Variants in ADAMTS13 observed in about 807,000 individuals in gnomAD.
ADAMTS13 encodes A disintegrin and metalloproteinase with thrombospondin motifs 13.
ADAMTS13 carries 110 observed loss-of-function variants against 155.1 expected under a neutral mutation model. The ratio of observed to expected loss-of-function variants is 0.71; its 90% CI spans 0.61 to 0.83. The LOEUF (loss-of-function observed/expected upper bound fraction) is 0.83. ADAMTS13 is among the 40% of genes least tolerant of loss of function. The pLI, the probability that ADAMTS13 is intolerant of heterozygous loss-of-function variation, is 0.00. For synonymous variants in ADAMTS13, 758 were observed against 756.4 expected (o/e 1.00, Z -0.03); for missense variants, 1,707 against 1,891.7 (o/e 0.90, Z 1.81).
chr9:133,456,475 C>T lies in ADAMTS13; in HGVS notation c.3548-68C>T. ...TGGGACTTGAACTCGGCTCAGTCTA[C>T]CCTGGAGCCACTCCTCTGCTGACCA... On this transcript the variant is annotated intron_variant, in intron 26 of 28. Transcript: ENST00000355699. The surrounding 1 kb of genome is among the most constrained non-coding windows in gnomAD (Gnocchi z 4.4). The T allele has an allele frequency of 6.3e-7, 1 of 1,576,368 alleles. No homozygotes were observed. Among genetic ancestry groups the T allele is most frequent in the African/African-American group, 1.3e-5 (1 of 74,524 alleles).
intron 19 of ADAMTS13, 25 bp downstream of exon 19, chr9:133,443,586 G>A (rs781834086): frequency 6.6e-7 from 1 of 1,522,576 alleles, no homozygotes; most frequent in Non-Finnish European, 8.8e-7. Flanking sequence ...AGGTGGGGCT[G>A]GGAGAGGGCC....
chr9:133,451,343 C>T (rs976936888), intron 23 of ADAMTS13, among the ~76,000 whole-genome samples: 5 of 152,172 alleles, frequency 3.3e-5, no homozygotes, highest in African/African-American at 9.7e-5. Context: ...CTGCAACCTC[C>T]GCCTCCCGGG....
At chr9:133,450,450 C>T (rs1842366689) in intron 23 of ADAMTS13, among the ~76,000 whole-genome samples, 1 of 151,960 alleles carries the variant, frequency 6.6e-6, no homozygotes, top group African/African-American at 2.4e-5. Context: ...TGCCTGTAAT[C>T]CCAGTTACTT....
At chr9:133,431,345 G>C (rs940011171) in intron 8 of ADAMTS13, among the ~76,000 whole-genome samples, 2 of 71,122 alleles carry the variant, frequency 2.8e-5, no homozygotes, top group African/African-American at 5.4e-5. Context: ...TTTTTTTTTT[G>C]AGACAGAGTC....
rs1554796169 is a variant in ADAMTS13 at position 133,456,745 on chromosome 9, C to T, written c.3724+26C>T. 1.3e-6 allele frequency: 2 copies of T among 1,551,608 alleles called. No individual in the cohort carries two copies. Among genetic ancestry groups the T allele is most frequent in the Non-Finnish European group, 1.7e-6 (2 of 1,147,248 alleles). ...GTATGGCCAGGCCTTCTCCACCTCC[C>T]TTGGGTGCTCCAGTCCTGGCAGGGA... On this transcript the variant is annotated intron_variant, in intron 27 of 28. Transcript: ENST00000355699. This position sits in a 1 kb window ranked among gnomAD's most constrained non-coding sequence, Gnocchi z 4.4.
intron 6 of ADAMTS13, among the ~76,000 whole-genome samples, chr9:133,426,594 A>G (rs1840298087): frequency 6.6e-6 from 1 of 152,216 alleles, no homozygotes; most frequent in Non-Finnish European, 1.5e-5. Flanking sequence ...AAATTCAGGT[A>G]AAGAAAGAGC....
At chr9:133,428,251 C>T (rs782548429) in intron 6 of ADAMTS13, among the ~76,000 whole-genome samples, 13 of 152,258 alleles carry the variant, frequency 8.5e-5, no homozygotes, top group Non-Finnish European at 1.8e-4. Context: ...GTGAATTTCA[C>T]GCTCAACACA....
In ADAMTS13 at chr9:133,459,152, A is replaced by G; in HGVS notation, c.4088A>G (p.Gln1363Arg). 6.2e-7 allele frequency: 1 copy of G among 1,612,264 alleles called. No homozygotes were observed. The highest frequency in any genetic ancestry group is 2.2e-5 in the East Asian group (1 of 44,856). Reference protein sequence around the residue: ...QSWVPEMQDPQSWKGKEGT With the variant: ...QSWVPEMQDPRSWKGKEGT ...TGGGTACCGGAGATGCAGGACCCTC[A>G]GTCCTGGAAGGGAAAGGAAGGAACC... Residue 1363 changes from glutamine to arginine, a missense_variant, in exon 29 of 29, where the codon CAG (glutamine) becomes CGG (arginine). Transcript: ENST00000355699.
At position 133,449,667 on chromosome 9, in the gene ADAMTS13, G is replaced by A. The variant is rs941504093; in HGVS notation, c.2862-116G>A. 7 of 1,223,838 alleles carry A rather than the reference G, an allele frequency of 5.7e-6. No individual in the cohort carries two copies. The Admixed American group carries it at 7.6e-5, about 13-fold the overall frequency. 75.8% of individuals were successfully genotyped at this position (1,223,838 alleles called of 1,614,324 possible). On this transcript the variant is annotated intron_variant, in intron 22 of 28. Coordinates refer to ENST00000355699, the MANE Select transcript of ADAMTS13 (RefSeq NM_139027.6). Reference sequence around the variant, plus strand: ...GGGCCTCCAGAAAGAGAACCTCTCCGGGCCCTTCCCAGCTTCCTGTCTCTT... The same window carrying A: ...GGGCCTCCAGAAAGAGAACCTCTCCAGGCCCTTCCCAGCTTCCTGTCTCTT...
At chr9:133,414,828 T>G (rs587596898) in intron 1 of ADAMTS13, 1 of 1,614,212 alleles carries the variant, frequency 6.2e-7, no homozygotes, top group African/African-American at 1.3e-5. Context: ...CTGTCCATCT[T>G]GGAACCTGAA....
Position 133,456,268 on chromosome 9 carries a change from C to T in ADAMTS13, c.3547+53C>T. On this transcript the variant is annotated intron_variant, in intron 26 of 28. Coordinates refer to ENST00000355699, the MANE Select transcript of ADAMTS13 (RefSeq NM_139027.6). This position sits in a 1 kb window ranked among gnomAD's most constrained non-coding sequence, Gnocchi z 4.4. The stretch of plus-strand genomic sequence containing the variant: ...TGCCAGTTATGGGCCCTGCCAGGAG[C>T]CAGCACGACGCTGCATGCCCCATTC... 1.2e-6 allele frequency: 2 copies of T among 1,611,532 alleles called. No individual in the cohort carries two copies. Among genetic ancestry groups the T allele is most frequent in the Non-Finnish European group, 1.7e-6 (2 of 1,179,494 alleles).
Position 133,456,636 on chromosome 9 carries a change from T to C in ADAMTS13, c.3641T>C (p.Val1214Ala). The stretch of plus-strand genomic sequence containing the variant: ...TTCAGCTCCAAGACCAACACGCTGG[T>C]GGTGAGGCAGCGCTGCGGGCGGCCA... ...MTFSSKTNTL[V>A]VRQRCGRPGG... is the part of the protein sequence containing the mutation. The change falls in exon 27 of 29, where the codon GTG (valine) becomes GCG (alanine). Residue 1214 changes from valine (V) to alanine (A), a missense_variant. Val to Ala is a moderately conservative substitution (Grantham distance 64). This residue lies in a region of ADAMTS13 where 961 missense variants were observed against 1,107.9 expected (regional missense o/e 0.87). Transcript: ENST00000355699. This position sits in a 1 kb window ranked among gnomAD's most constrained non-coding sequence, Gnocchi z 4.4. The C allele has an allele frequency of 6.2e-7, 1 of 1,610,944 alleles. No individual in the cohort carries two copies. Among genetic ancestry groups the C allele is most frequent in the Non-Finnish European group, 8.5e-7 (1 of 1,178,986 alleles).
rs1554792359 is a variant in ADAMTS13 at position 133,445,738 on chromosome 9, T to C, written c.2650T>C (p.Trp884Arg). Reference protein sequence around the residue: ...TSAGEKAPSPWGSIRTGAQAA... With the variant: ...TSAGEKAPSPRGSIRTGAQAA... ...TGCAGGGGAGAAGGCTCCCTCCCCATGGGGCAGCATCAGGACGGGGGCTCA... is the reference window on the plus strand; with the variant it reads ...TGCAGGGGAGAAGGCTCCCTCCCCACGGGGCAGCATCAGGACGGGGGCTCA... Residue 884 changes from tryptophan to arginine, a missense_variant, in exon 21 of 29, where the codon TGG becomes CGG. By Grantham distance (101) the Trp-to-Arg change is moderately radical. Transcript: ENST00000355699. The surrounding 1 kb of genome is among the most constrained non-coding windows in gnomAD (Gnocchi z 5.0). 4 of 1,612,220 alleles carry C rather than the reference T, an allele frequency of 2.5e-6. No homozygotes were observed. The highest frequency in any genetic ancestry group is 1.1e-5 in the South Asian group (1 of 90,982).
At chr9:133,449,725 TC>T in intron 22 of ADAMTS13, 57 bp from the exon 23 acceptor site, 1 of 1,590,400 alleles carries the variant, frequency 6.3e-7, no homozygotes. Context: ...GAGACCTGGC[TC>T]CCCTGGGTTC....
intron 8 of ADAMTS13, among the ~76,000 whole-genome samples, chr9:133,432,039 G>GCA (rs374733298): frequency 4.6e-5 from 7 of 152,154 alleles, no homozygotes; most frequent in Non-Finnish European, 1.0e-4. Context: ...CAAGGCAGGC[G>GCA]GATCACCTGA....
In ADAMTS13 at chr9:133,440,229, C is replaced by A; in HGVS notation, c.1787-115C>A. On this transcript the variant is annotated intron_variant, in intron 15 of 28. Coordinates refer to ENST00000355699, the MANE Select transcript of ADAMTS13 (RefSeq NM_139027.6). This position sits in a 1 kb window ranked among gnomAD's most constrained non-coding sequence, Gnocchi z 4.3. ...TGTGGGGAAGCCTCTAGCTCAGATG[C>A]CTGTGGCTCCTTAGAGGAGGGCTGG... The A allele has an allele frequency of 2.3e-6, 3 of 1,322,070 alleles. No individual in the cohort carries two copies. Among genetic ancestry groups the A allele is most frequent in the Non-Finnish European group, 3.2e-6 (3 of 930,990 alleles). The allele number at this position is 1,322,070 out of a possible 1,614,324, so 81.9% of individuals were successfully genotyped here.
rs909831139 is a variant in ADAMTS13, at chr9:133,437,832, C to T, written c.1519C>T (p.Arg507Trp). 4.3e-6 allele frequency: 7 copies of T among 1,613,928 alleles called. No individual in the cohort carries two copies. The highest frequency in any genetic ancestry group is 1.6e-4 in the Middle Eastern group (1 of 6,062). ...TGGAGACAGCTTCCTCGATGGGACC[C>T]GGTGTATGCCAAGTGGCCCCCGGGA... ...KRGDSFLDGT[R>W]CMPSGPREDG... The change falls in exon 13 of 29, where the codon CGG becomes TGG. Residue 507 changes from arginine to tryptophan, a missense_variant. By Grantham distance (101) the Arg-to-Trp change is moderately radical (BLOSUM62 -3). Coordinates refer to ENST00000355699, the MANE Select transcript of ADAMTS13 (RefSeq NM_139027.6).
In ADAMTS13 at chr9:133,433,534, C is replaced by G. The variant is rs781862532; in HGVS notation, c.1244+5C>G. The G allele has an allele frequency of 1.3e-5, 21 of 1,613,630 alleles. No homozygotes were observed. In the South Asian group the frequency reaches 2.3e-4, roughly 18 times the overall value. On this transcript the variant is annotated splice_donor_5th_base_variant and intron_variant, in intron 10 of 28. Coordinates refer to ENST00000355699, the MANE Select transcript of ADAMTS13 (RefSeq NM_139027.6). ...GCGGCAGTGCAACAACCCCAGGTAC[C>G]GCAGGGAGGGTGCTTTTCTGTCAGG...
In ADAMTS13 at chr9:133,444,916, C is replaced by T. The variant is rs1554792018; in HGVS notation, c.2474C>T (p.Ala825Val). ...ACATCAGCTGGTGGAGCAGGCCTGG[C>T]CTTGGAGAACGAGACCTGTGTGCCA... ...SCTSAGGAGLALENETCVPGA... is the reference protein window; with the variant it reads ...SCTSAGGAGLVLENETCVPGA... Residue 825 changes from alanine to valine, a missense_variant, in exon 20 of 29, where the codon GCC becomes GTC. This residue lies in a region of ADAMTS13 where 961 missense variants were observed against 1,107.9 expected (regional missense o/e 0.87). Coordinates refer to ENST00000355699, the MANE Select transcript of ADAMTS13 (RefSeq NM_139027.6). 2 of 1,613,246 alleles carry T rather than the reference C, an allele frequency of 1.2e-6. No individual in the cohort carries two copies. Among genetic ancestry groups the T allele is most frequent in the Admixed American group, 3.3e-5 (2 of 60,000 alleles).
Sources: gnomAD v4.1 joint callset for allele counts (sites outside exome capture counted in the v4.1 genomes callset) on GRCh38, gnomAD v4.1.1 for gene constraint, gnomAD v4.1.1 regional missense constraint, Gnocchi (gnomAD v3.1) non-coding constraint, MANE v1.5 for transcripts, NCBI Gene and HGNC (gene_info 2026-07-23, HGNC 2026-07-21) for gene names.